Variants in FAM171A1 observed in about 807,000 individuals in gnomAD.
FAM171A1 encodes family with sequence similarity 171 member A1, also known as protein FAM171A1.
In FAM171A1, 23 loss-of-function variants were observed where a neutral mutation model predicts 74.9. That is an observed-to-expected ratio of 0.31 (90% CI 0.22 to 0.44). FAM171A1 has a LOEUF of 0.44. Ranked by LOEUF, FAM171A1 falls within the 20% of genes least tolerant of loss-of-function variation. The probability of loss-of-function intolerance (pLI) is 1.00; values close to 1 mark genes in which losing one functional copy is unlikely to be tolerated. For missense variants in FAM171A1, 1,162 were observed against 1,159.2 expected, an observed-to-expected ratio of 1.00 and a Z score of -0.03; for synonymous variants, 527 against 505.7, an observed-to-expected ratio of 1.04 and a Z score of -0.57.
chr10:15,282,852 G>C (rs1454447344), intron 2 of FAM171A1, among the ~76,000 whole-genome samples: 1 of 152,038 alleles, frequency 6.6e-6, no homozygotes, highest in Non-Finnish European at 1.5e-5. Flanking sequence ...CTGTTGTGTG[G>C]GCTCTCCTGG....
At chr10:15,271,703 C>G (rs992254257) in intron 3 of FAM171A1, among the ~76,000 whole-genome samples, 8 of 152,154 alleles carry the variant, frequency 5.3e-5, no homozygotes, top group African/African-American at 1.9e-4. Context: ...ACTTTACAAG[C>G]CAGAAGACAG....
At chr10:15,325,970 C>G (rs1835550435) in intron 1 of FAM171A1, among the ~76,000 whole-genome samples, 1 of 152,184 alleles carries the variant, frequency 6.6e-6, no homozygotes, top group Non-Finnish European at 1.5e-5. Flanking sequence ...CAACCCAGTA[C>G]AGATTAAACA....
intron 1 of FAM171A1, among the ~76,000 whole-genome samples, chr10:15,317,551 C>T (rs564623412): frequency 3.9e-5 from 6 of 152,018 alleles, no homozygotes; most frequent in South Asian, 2.1e-4. Context: ...TGCGCCACCA[C>T]GCCTGGCTAA....
At chr10:15,284,126 A>G in intron 1 of FAM171A1, 21 bp from the exon 2 acceptor site, 4 of 1,606,384 alleles carry the variant, frequency 2.5e-6, no homozygotes, top group Non-Finnish European at 2.6e-6. Flanking sequence ...AGAAAGCACA[A>G]AGAACAGCTA....
At chr10:15,292,369 C>G (rs530474880) in intron 1 of FAM171A1, among the ~76,000 whole-genome samples, 11 of 152,326 alleles carry the variant, frequency 7.2e-5, no homozygotes, top group Admixed American at 4.6e-4. Flanking sequence ...ATAGTGTCAT[C>G]TTTCTGCCAT....
chr10:15,305,765 T>A (rs757622211), intron 1 of FAM171A1, among the ~76,000 whole-genome samples: 2 of 151,024 alleles, frequency 1.3e-5, no homozygotes, highest in South Asian at 2.1e-4. Flanking sequence ...GGGAAGTGGT[T>A]AATTGTACAT....
Position 15,262,332 on chromosome 10 carries a change from A to C in FAM171A1, c.419-7453T>G, listed in dbSNP as rs564958051. On this transcript the variant is annotated intron_variant, in intron 3 of 7. Transcript: ENST00000378116. ...AAATGATAAAGTTCCAAATAAAGACAGCAGCTCTGGGGGTCCTCACAGAAA... is the reference window on the plus strand; with the variant it reads ...AAATGATAAAGTTCCAAATAAAGACCGCAGCTCTGGGGGTCCTCACAGAAA... Among the ~76,000 whole-genome samples the C allele has an allele frequency of 3.3e-5, 5 of 152,342 alleles. 1 individual carries two copies. In the East Asian group the frequency reaches 9.6e-4, roughly 29 times the overall value.
chr10:15,227,650 G>A (rs528548425), intron 5 of FAM171A1, among the ~76,000 whole-genome samples: 3 of 152,256 alleles, frequency 2.0e-5, no homozygotes, highest in South Asian at 4.2e-4. Context: ...CAAAGCATTG[G>A]GATTATAGGC....
chr10:15,321,184 T>C (rs922044737), intron 1 of FAM171A1, among the ~76,000 whole-genome samples: 3 of 152,188 alleles, frequency 2.0e-5, no homozygotes, highest in Non-Finnish European at 2.9e-5. Flanking sequence ...GCACAAATAC[T>C]AGATGCTTTA....
intron 1 of FAM171A1, among the ~76,000 whole-genome samples, chr10:15,362,046 A>C (rs1437962725): frequency 6.6e-6 from 1 of 152,248 alleles, no homozygotes; most frequent in African/African-American, 2.4e-5. Flanking sequence ...AAATTCCAAA[A>C]GATCTTGCTA....
intron 1 of FAM171A1, among the ~76,000 whole-genome samples, chr10:15,295,718 T>G (rs990997252): frequency 6.6e-6 from 1 of 152,192 alleles, no homozygotes; most frequent in Non-Finnish European, 1.5e-5. Context: ...GGCCACTGGG[T>G]CTGGGTAGAA....
intron 1 of FAM171A1, among the ~76,000 whole-genome samples, chr10:15,331,277 T>C (rs753438429): frequency 2.0e-5 from 3 of 152,210 alleles, no homozygotes; most frequent in Admixed American, 6.5e-5. Context: ...ACCAGGCAAC[T>C]GCAAACGAAG....
In FAM171A1 at chr10:15,213,672, G is replaced by C; in HGVS notation, c.1916C>G (p.Ser639Cys). Residue 639 changes from serine to cysteine, a missense_variant, in exon 8 of 8, where the codon TCT (serine) becomes TGT (cysteine). Physicochemically the swap from Ser to Cys is moderately radical, Grantham distance 112 (BLOSUM62 -1). Transcript: ENST00000378116. This position sits in a 1 kb window ranked among gnomAD's most constrained non-coding sequence, Gnocchi z 6.8. Reference protein sequence around the residue: ...PSSQIQPQPLSSQAISQQHLQ... With the variant: ...PSSQIQPQPLCSQAISQQHLQ... The stretch of plus-strand genomic sequence containing the variant: ...GTGCTGCTGAGAGATGGCCTGGGAA[G>C]ACAGGGGCTGGGGCTGGATCTGTGA... The C allele has an allele frequency of 6.2e-6, 10 of 1,613,602 alleles. No homozygotes were observed. Among genetic ancestry groups the C allele is most frequent in the Non-Finnish European group, 8.5e-6 (10 of 1,179,668 alleles).
At chr10:15,317,014 G>T (rs1397064492) in intron 1 of FAM171A1, among the ~76,000 whole-genome samples, 1 of 151,388 alleles carries the variant, frequency 6.6e-6, no homozygotes, top group Non-Finnish European at 1.5e-5. Context: ...GCTCTGTCTA[G>T]CAGGAGAGCT....
Position 15,370,940 on chromosome 10 carries a change from G to C in FAM171A1, c.97+16C>G. On this transcript the variant is annotated intron_variant, in intron 1 of 7. Transcript: ENST00000378116. ...GGCGCGACACAAAGCCCCCGGCCCC[G>C]CCGCCGCCCACTGACCTTGGGCTCC... The C allele has an allele frequency of 8.8e-7, 1 of 1,131,030 alleles. No homozygotes were observed. Among genetic ancestry groups the C allele is most frequent in the Non-Finnish European group, 1.1e-6 (1 of 904,702 alleles). 70.1% of individuals were successfully genotyped at this position (1,131,030 alleles called of 1,614,324 possible).
At chr10:15,328,174 C>T (rs80110824) in intron 1 of FAM171A1, among the ~76,000 whole-genome samples, 2 of 151,790 alleles carry the variant, frequency 1.3e-5, no homozygotes, top group Non-Finnish European at 2.9e-5. Flanking sequence ...GATGGAGTTT[C>T]GCTCTTGTCG....
chr10:15,235,139 G>T (rs549641870), intron 5 of FAM171A1, among the ~76,000 whole-genome samples: 1 of 151,756 alleles, frequency 6.6e-6, no homozygotes, highest in Non-Finnish European at 1.5e-5. Context: ...GCCAAACCTC[G>T]TCTCTACTAA....
At chr10:15,370,429 G>A (rs994045877) in intron 1 of FAM171A1, among the ~76,000 whole-genome samples, 1 of 151,014 alleles carries the variant, frequency 6.6e-6, no homozygotes, top group African/African-American at 2.4e-5. Flanking sequence ...GGCGGCAGCG[G>A]ACCTCGGGGC....
At chr10:15,365,620 A>G (rs972532966) in intron 1 of FAM171A1, among the ~76,000 whole-genome samples, 1 of 152,092 alleles carries the variant, frequency 6.6e-6, no homozygotes, top group African/African-American at 2.4e-5. Flanking sequence ...AAACACAAAA[A>G]TTAGCCAGGT....
Sources: gnomAD v4.1 joint callset for allele counts (sites outside exome capture counted in the v4.1 genomes callset) on GRCh38, gnomAD v4.1.1 for gene constraint, Gnocchi (gnomAD v3.1) non-coding constraint, MANE v1.5 for transcripts, NCBI Gene and HGNC (gene_info 2026-07-23, HGNC 2026-07-21) for gene names.